PRIMPOL: variants seen among roughly 807,000 people sequenced by gnomAD.
PRIMPOL encodes the protein primase and DNA directed polymerase.
A neutral mutation model predicts 63.6 loss-of-function variants in PRIMPOL; 54 were observed. That is an observed-to-expected ratio of 0.85 (90% confidence interval 0.68 to 1.07). The LOEUF (loss-of-function observed/expected upper bound fraction) is 1.07. Among genes scored for constraint, PRIMPOL ranks in the 50% least tolerant of loss-of-function variants. PRIMPOL has a pLI of 0.00. For synonymous variants in PRIMPOL, 197 were observed against 220.2 expected, an observed-to-expected ratio of 0.89 and a Z score of 0.93; for missense variants, 610 against 648.3, an observed-to-expected ratio of 0.94 and a Z score of 0.64.
Position 184,672,198 on chromosome 4 carries a change from GC to G in PRIMPOL, c.584del (p.Pro195LeufsTer72). 2 of 1,605,396 alleles carry G rather than the reference GC, an allele frequency of 1.2e-6. No homozygotes were observed. The highest frequency in any genetic ancestry group is 1.7e-6 in the Non-Finnish European group (2 of 1,177,690). The part of the protein sequence containing the change: ...VGNFLRKILQ[P>X]ALDLLGSEDD... ...GTAATTTTTTGAGAAAAATTTTGCA[GC>G]CTGCTCTTGACTTGCTTGGCAGTGA... On this transcript the variant is annotated frameshift_variant, in exon 7 of 14. Transcript: ENST00000314970. LOFTEE classifies it high-confidence loss of function.
intron 9 of PRIMPOL, among the ~76,000 whole-genome samples, 168 bp from the exon 10 acceptor site, chr4:184,685,241 C>T (rs2705889): frequency 0.99 from 151,269 of 152,370 alleles, 75,101 homozygotes; most frequent in Middle Eastern, 1. Flanking sequence ...AGGTTTGAAT[C>T]TTACCTGCTT....
In PRIMPOL at chr4:184,682,297, CA is replaced by C; in HGVS notation, c.1062del (p.Gly355GlufsTer12). 1 of 1,604,148 alleles carries C rather than the reference CA, an allele frequency of 6.2e-7. No individual in the cohort carries two copies. Among genetic ancestry groups the C allele is most frequent in the Non-Finnish European group, 8.5e-7 (1 of 1,171,800 alleles). The stretch of plus-strand genomic sequence containing the variant: ...TACATGTGAGCCATCTCAGAATAAA[CA>C]AAAAGGAGTTGGATATTTTAACAGT... ...ILTCEPSQNKQKGVGYFNSIG... is the reference protein window; with the variant it reads ...ILTCEPSQNKXKGVGYFNSIG... On this transcript the variant is annotated frameshift_variant, in exon 9 of 14. Coordinates refer to ENST00000314970, the MANE Select transcript of PRIMPOL (RefSeq NM_152683.4). LOFTEE classifies it high-confidence loss of function.
In PRIMPOL at chr4:184,657,209, G is replaced by T. The variant is rs111852106; in HGVS notation, c.69G>T (p.Pro23=). The change falls in exon 3 of 14, where the codon CCG becomes CCT. Residue 23 remains proline (P), a synonymous_variant. Coordinates refer to ENST00000314970, the MANE Select transcript of PRIMPOL (RefSeq NM_152683.4). ...GAGCATCTCATTATGAGAGGAAACC[G>T]TTGTCCTCAGTGTATAGACCAAGAT... is the stretch of plus-strand genomic sequence containing the variant. The part of the protein sequence containing the change: ...EERASHYERK[P]LSSVYRPRLS... 1.9e-6 allele frequency: 3 copies of T among 1,613,256 alleles called. No homozygotes were observed. The Admixed American group carries it at 5.0e-5, about 27-fold the overall frequency.
chr4:184,670,739 G>A (rs147526804), intron 6 of PRIMPOL, among the ~76,000 whole-genome samples: 4,421 of 151,960 alleles, frequency 0.029, 220 homozygotes, highest in African/African-American at 0.1. Flanking sequence ...GTAGAGACGC[G>A]GTTTCACCAT....
chr4:184,662,524 G>C (rs1366525839), intron 5 of PRIMPOL, among the ~76,000 whole-genome samples: 1 of 152,034 alleles, frequency 6.6e-6, no homozygotes, highest in Non-Finnish European at 1.5e-5. Context: ...CTAATAAAAG[G>C]AATAGCATGG....
chr4:184,694,342 A>G lies in PRIMPOL; in HGVS notation c.1426-180A>G, dbSNP rs1759949729. ...AGTGTGTCTGAGCTTCAGTGCAGCA[A>G]CGTTTGAATCAGTGCACTCATTCCC... On this transcript the variant is annotated intron_variant, in intron 13 of 13. Transcript: ENST00000314970. The G allele has an allele frequency of 1.3e-5, 18 of 1,382,254 alleles. No homozygotes were observed. The East Asian group carries it at 4.4e-4, about 33-fold the overall frequency. The allele number at this position is 1,382,254 out of a possible 1,614,324, so 85.6% of individuals were successfully genotyped here. A position where few individuals can be genotyped will look rare whatever the true frequency, so the allele number is the denominator to read the frequency against.
Position 184,666,078 on chromosome 4 carries a change from T to C in PRIMPOL, c.556+14T>C, listed in dbSNP as rs1407628011. ...ATATTCATGTTGGTAAGTACACGGC[T>C]TTTTAAAAATCATGGAGTTGTATTC... On this transcript the variant is annotated intron_variant, in intron 6 of 13. Coordinates refer to ENST00000314970, the MANE Select transcript of PRIMPOL (RefSeq NM_152683.4). 3 of 1,568,832 alleles carry C rather than the reference T, an allele frequency of 1.9e-6. No individual in the cohort carries two copies. In the South Asian group the frequency reaches 3.5e-5, roughly 19 times the overall value.
intron 11 of PRIMPOL, among the ~76,000 whole-genome samples, chr4:184,689,539 G>A (rs907403152): frequency 1.8e-5 from 2 of 109,416 alleles, no homozygotes; most frequent in East Asian, 5.8e-4. Context: ...TGCAACCTCT[G>A]CCTCCTGGCT....
intron 4 of PRIMPOL, 98 bp from the exon 5 acceptor site, chr4:184,661,676 A>G: frequency 1.3e-6 from 1 of 764,472 alleles, no homozygotes; most frequent in African/African-American, 1.8e-5. Context: ...ACTGCAGTCC[A>G]GCCTGGGCAA....
At chr4:184,662,695 T>A (rs1446801652) in intron 5 of PRIMPOL, among the ~76,000 whole-genome samples, 1 of 152,172 alleles carries the variant, frequency 6.6e-6, no homozygotes, top group East Asian at 1.9e-4. Flanking sequence ...TGAATAATAA[T>A]GTTATAGATT....
chr4:184,688,044 C>T (rs1561082471), intron 11 of PRIMPOL, among the ~76,000 whole-genome samples: 2 of 152,222 alleles, frequency 1.3e-5, no homozygotes, highest in Admixed American at 6.5e-5. Flanking sequence ...CACTATTGTG[C>T]AGCATGCCAT....
intron 5 of PRIMPOL, among the ~76,000 whole-genome samples, chr4:184,662,730 T>C (rs1490073667): frequency 1.3e-5 from 2 of 152,130 alleles, no homozygotes; most frequent in Non-Finnish European, 2.9e-5. Context: ...TTTTAAAATA[T>C]ATCCAGATTA....
chr4:184,667,580 G>A (rs1274933268), intron 6 of PRIMPOL, among the ~76,000 whole-genome samples: 1 of 152,114 alleles, frequency 6.6e-6, no homozygotes, highest in Non-Finnish European at 1.5e-5. Flanking sequence ...AAAGTGCTGG[G>A]ATTACAGGCG....
chr4:184,692,663 T>C (rs965585929), intron 13 of PRIMPOL, among the ~76,000 whole-genome samples: 1 of 151,966 alleles, frequency 6.6e-6, no homozygotes, highest in East Asian at 1.9e-4. Flanking sequence ...ATTTCAGTTT[T>C]TTTTCTAAAG....
intron 5 of PRIMPOL, among the ~76,000 whole-genome samples, chr4:184,663,189 T>C (rs765628663): frequency 5.3e-5 from 8 of 151,784 alleles, no homozygotes; most frequent in Non-Finnish European, 8.8e-5. Flanking sequence ...GGATTACAGG[T>C]GTGTGCCACC....
intron 8 of PRIMPOL, among the ~76,000 whole-genome samples, chr4:184,679,202 A>G (rs951121626): frequency 2.0e-5 from 3 of 152,224 alleles, no homozygotes; most frequent in Admixed American, 1.3e-4. Flanking sequence ...TAAAACTTCT[A>G]ATGCCTATGT....
intron 6 of PRIMPOL, among the ~76,000 whole-genome samples, chr4:184,671,828 C>T (rs142056026): frequency 1.9e-3 from 288 of 151,294 alleles, no homozygotes; most frequent in African/African-American, 4.5e-3. Flanking sequence ...CTGCAAGCTC[C>T]GCTTCCTGGG....
chr4:184,678,161 T>G lies in PRIMPOL; in HGVS notation c.845-71T>G, dbSNP rs1579539123. 3.1e-6 allele frequency: 3 copies of G among 962,400 alleles called. No homozygotes were observed. The East Asian group carries it at 8.4e-5, about 27-fold the overall frequency. 59.6% of individuals were successfully genotyped at this position (962,400 alleles called of 1,614,324 possible). ...TTTTTATTAATGCTATATAAAAACT[T>G]AATATTTGCTGACTATGAAACTAAT... is the stretch of plus-strand genomic sequence containing the variant. On this transcript the variant is annotated intron_variant, in intron 7 of 13. Transcript: ENST00000314970.
At chr4:184,659,980 C>T (rs1404027657) in intron 4 of PRIMPOL, among the ~76,000 whole-genome samples, 1 of 151,958 alleles carries the variant, frequency 6.6e-6, no homozygotes, top group Non-Finnish European at 1.5e-5. Context: ...ACCACCATGC[C>T]TGGCTCATTT....
Sources: allele counts gnomAD v4.1 joint callset (sites outside exome capture counted in the v4.1 genomes callset), GRCh38; gene constraint gnomAD v4.1.1; transcripts MANE v1.5; gene names NCBI Gene and HGNC (gene_info 2026-07-23, HGNC 2026-07-21).